SYNPR: variants seen among roughly 807,000 people sequenced by gnomAD.
SYNPR encodes the protein synaptoporin.
In SYNPR, 23 loss-of-function variants were observed where a neutral mutation model predicts 32.9. The ratio of observed to expected loss-of-function variants is 0.70; its 90% confidence interval spans 0.50 to 0.99. The LOEUF is 0.99. SYNPR is among the 50% of genes least tolerant of loss of function. The pLI, the probability that SYNPR is intolerant of heterozygous loss-of-function variation, is 0.00. For missense variants in SYNPR, 318 were observed against 349.3 expected (o/e 0.91, Z 0.71); for synonymous variants, 146 against 135.9 (o/e 1.07, Z -0.52).
At chr3:63,415,289 C>T (rs1447418224) in intron 2 of SYNPR, among the ~76,000 whole-genome samples, 1 of 152,176 alleles carries the variant, frequency 6.6e-6, no homozygotes, top group Non-Finnish European at 1.5e-5. Flanking sequence ...ATAGCATTTA[C>T]ACCATGGAAA....
At chr3:63,475,764 G>C (rs893987808) in intron 2 of SYNPR, among the ~76,000 whole-genome samples, 2 of 151,918 alleles carry the variant, frequency 1.3e-5, no homozygotes, top group Non-Finnish European at 2.9e-5. Flanking sequence ...TAGCCTTCCA[G>C]GTCTCACCCC....
intron 2 of SYNPR, among the ~76,000 whole-genome samples, chr3:63,475,982 T>C (rs1168536644): frequency 6.6e-6 from 1 of 150,430 alleles, no homozygotes; most frequent in African/African-American, 2.5e-5. Flanking sequence ...TCTTCCAAGG[T>C]CCTCCTTCTA....
At chr3:63,457,051 G>C (rs1700495998) in intron 2 of SYNPR, among the ~76,000 whole-genome samples, 1 of 152,058 alleles carries the variant, frequency 6.6e-6, no homozygotes, top group African/African-American at 2.4e-5. Flanking sequence ...GCTGTATATA[G>C]TCATAAGCTT....
intron 2 of SYNPR, among the ~76,000 whole-genome samples, chr3:63,345,141 C>T (rs1430491678): frequency 1.3e-5 from 2 of 152,304 alleles, no homozygotes; most frequent in Admixed American, 1.3e-4. Context: ...TTTAACTATG[C>T]CTAGGTTTTA....
intron 2 of SYNPR, among the ~76,000 whole-genome samples, chr3:63,334,834 A>G (rs1377092318): frequency 3.9e-5 from 6 of 152,012 alleles, no homozygotes; most frequent in Non-Finnish European, 5.9e-5. Context: ...ATCACTTTCA[A>G]TAGCGAAAAC....
chr3:63,579,884 T>G (rs1481804754), intron 4 of SYNPR, among the ~76,000 whole-genome samples: 1 of 151,652 alleles, frequency 6.6e-6, no homozygotes, highest in Non-Finnish European at 1.5e-5. Context: ...CTAGTGTTTC[T>G]CCTTAGTCTT....
intron 3 of SYNPR, among the ~76,000 whole-genome samples, chr3:63,519,390 G>C (rs557724052): frequency 6.6e-6 from 1 of 152,278 alleles, no homozygotes; most frequent in East Asian, 1.9e-4. Context: ...ATTGTTAAAA[G>C]GATTAATAGA....
chr3:63,203,068 G>GTATATATATATATATATA, the SYNPR span: 776 of 107,758 alleles, frequency 7.2e-3, 6 homozygotes, highest in Non-Finnish European at 9.2e-3. Context: ...ATATGTATGT[G>GTATATATATATATATATA]TATATATATA....
At chr3:63,355,395 C>A (rs1047242309) in intron 2 of SYNPR, among the ~76,000 whole-genome samples, 5 of 152,234 alleles carry the variant, frequency 3.3e-5, no homozygotes, top group Admixed American at 1.3e-4. Flanking sequence ...GGACCCAACA[C>A]CCCAACTTCC....
intron 4 of SYNPR, among the ~76,000 whole-genome samples, chr3:63,592,868 C>T (rs1002896903): frequency 6.6e-6 from 1 of 152,020 alleles, no homozygotes; most frequent in African/African-American, 2.4e-5. Context: ...CTGGGCTAAG[C>T]ATTTTATTGC....
In SYNPR at chr3:63,384,737, G is replaced by C. The variant is rs373751143; in HGVS notation, c.85-96095G>C. 2.6e-5 allele frequency among the ~76,000 whole-genome samples: 4 copies of C among 152,282 alleles called. No individual in the cohort carries two copies. In the East Asian group the frequency reaches 7.7e-4, roughly 29 times the overall value. On this transcript the variant is annotated intron_variant, in intron 2 of 5. Coordinates refer to ENST00000478300, the MANE Select transcript of SYNPR (RefSeq NM_001130003.2). Reference sequence around the variant, plus strand: ...TGTGTGTGGGACTGTGTTAAATGCTGTACATTGATTTTTCTCATCAAAACA... The same window carrying C: ...TGTGTGTGGGACTGTGTTAAATGCTCTACATTGATTTTTCTCATCAAAACA...
intron 2 of SYNPR, among the ~76,000 whole-genome samples, chr3:63,259,387 G>C (rs969139445): frequency 6.6e-6 from 1 of 152,152 alleles, no homozygotes; most frequent in Non-Finnish European, 1.5e-5. Flanking sequence ...GATCAAGTGG[G>C]CTTCATCCCT....
intron 2 of SYNPR, among the ~76,000 whole-genome samples, chr3:63,284,777 T>A (rs2086664957): frequency 6.6e-6 from 1 of 152,186 alleles, no homozygotes; most frequent in African/African-American, 2.4e-5. Context: ...TAAATACAAT[T>A]TTATAGTAGC....
At chr3:63,595,435 AG>A (rs1394981797) in intron 4 of SYNPR, among the ~76,000 whole-genome samples, 1 of 151,770 alleles carries the variant, frequency 6.6e-6, no homozygotes, top group African/African-American at 2.4e-5. Context: ...TTGTCATTAA[AG>A]ATTACAAAGT....
chr3:63,456,116 G>C (rs1418633590), intron 2 of SYNPR, among the ~76,000 whole-genome samples: 2 of 151,970 alleles, frequency 1.3e-5, no homozygotes, highest in African/African-American at 4.8e-5. Context: ...GATATCATGA[G>C]ATTTATTCAC....
rs1333262005 is a variant in SYNPR at position 63,409,891 on chromosome 3, G to A, written c.85-70941G>A. Among the ~76,000 whole-genome samples, 5 of 152,212 alleles carry A rather than the reference G, an allele frequency of 3.3e-5. No individual in the cohort carries two copies. In the East Asian group the frequency reaches 7.7e-4, roughly 24 times the overall value. ...AGTAGAAGTGACAGACGTCACATCA[G>A]CGTGGAAGCTCTGAGCCAATGCACA... is the stretch of plus-strand genomic sequence containing the variant. On this transcript the variant is annotated intron_variant, in intron 2 of 5. Transcript: ENST00000478300.
At chr3:63,597,273 A>G (rs1699975434) in intron 4 of SYNPR, among the ~76,000 whole-genome samples, 1 of 152,164 alleles carries the variant, frequency 6.6e-6, no homozygotes, top group African/African-American at 2.4e-5. Context: ...GTGTTTTTGA[A>G]TAAGACCCTG....
intron 3 of SYNPR, among the ~76,000 whole-genome samples, chr3:63,506,401 A>G (rs922748592): frequency 1.3e-5 from 2 of 152,126 alleles, no homozygotes; most frequent in Admixed American, 1.3e-4. Flanking sequence ...TTTCTCATTT[A>G]TTTTGAGAAA....
At chr3:63,412,084 G>A (rs2107118755) in intron 2 of SYNPR, among the ~76,000 whole-genome samples, 1 of 152,224 alleles carries the variant, frequency 6.6e-6, no homozygotes, top group South Asian at 2.1e-4. Flanking sequence ...GAGTTAGGAA[G>A]CAAATCAATG....
Sources: allele counts gnomAD v4.1 joint callset (sites outside exome capture counted in the v4.1 genomes callset), GRCh38; gene constraint gnomAD v4.1.1; transcripts MANE v1.5; gene names NCBI Gene and HGNC (gene_info 2026-07-23, HGNC 2026-07-21).